Variants in PCDH9 observed in about 807,000 individuals in gnomAD.
PCDH9 encodes protocadherin-9.
PCDH9 carries 24 observed loss-of-function variants against 70.6 expected under a neutral mutation model. The observed-to-expected ratio is 0.34, with a 90% CI of 0.25 to 0.48. The LOEUF (loss-of-function observed/expected upper bound fraction) is 0.48, where lower values mean the gene tolerates loss of function less well. PCDH9 is among the 20% of genes least tolerant of loss of function. The probability of loss-of-function intolerance (pLI) is 0.99; values close to 1 mark genes in which losing one functional copy is unlikely to be tolerated. For synonymous variants in PCDH9, 562 were observed against 558.5 expected, an observed-to-expected ratio of 1.01 and a Z score of -0.09; for missense variants, 1,281 against 1,503.6, an observed-to-expected ratio of 0.85 and a Z score of 2.45.
At chr13:66,748,061 C>T (rs4884696) in intron 3 of PCDH9, among the ~76,000 whole-genome samples, 135,703 of 152,164 alleles carry the variant, frequency 0.89, 62,561 homozygotes, top group Non-Finnish European at 1. Context: ...GGTTCAGTAA[C>T]ACTGAACATG....
intron 2 of PCDH9, among the ~76,000 whole-genome samples, chr13:67,115,948 A>C (rs1206866832): frequency 6.6e-6 from 1 of 152,218 alleles, no homozygotes; most frequent in African/African-American, 2.4e-5. Context: ...ATTAGGACTA[A>C]AGGCACTAGT....
chr13:67,130,123 C>T (rs951255427), intron 2 of PCDH9, among the ~76,000 whole-genome samples: 21 of 151,930 alleles, frequency 1.4e-4, no homozygotes, highest in Admixed American at 1.1e-3. Context: ...ATATTAAAAC[C>T]TTGGTGCCTA....
intron 4 of PCDH9, among the ~76,000 whole-genome samples, chr13:66,480,152 C>T (rs1453941981): frequency 6.6e-6 from 1 of 152,172 alleles, no homozygotes; most frequent in Non-Finnish European, 1.5e-5. Flanking sequence ...TTGATTCCAA[C>T]TCTCACAGAT....
chr13:66,718,389 T>C (rs1460874635), intron 3 of PCDH9, among the ~76,000 whole-genome samples: 2 of 152,116 alleles, frequency 1.3e-5, no homozygotes, highest in Non-Finnish European at 2.9e-5. Flanking sequence ...AATTTAAAAA[T>C]ACTCATAGAA....
At chr13:66,377,026 C>A (rs890270380) in intron 4 of PCDH9, among the ~76,000 whole-genome samples, 2 of 152,038 alleles carry the variant, frequency 1.3e-5, no homozygotes, top group Non-Finnish European at 2.9e-5. Context: ...CCGGCTTAAC[C>A]AAGATGCCCT....
chr13:66,515,653 A>G (rs1959696864), intron 4 of PCDH9, among the ~76,000 whole-genome samples: 1 of 151,944 alleles, frequency 6.6e-6, no homozygotes, highest in Non-Finnish European at 1.5e-5. Flanking sequence ...TAGATATTTC[A>G]TTTTTCTCCA....
At chr13:66,407,065 T>C (rs1441717527) in intron 4 of PCDH9, among the ~76,000 whole-genome samples, 4 of 152,178 alleles carry the variant, frequency 2.6e-5, no homozygotes, top group African/African-American at 9.7e-5. Context: ...AGATCTCACT[T>C]ATAGTCTAAA....
intron 3 of PCDH9, among the ~76,000 whole-genome samples, chr13:66,819,049 C>A (rs557303416): frequency 6.6e-6 from 1 of 152,082 alleles, no homozygotes; most frequent in Admixed American, 6.5e-5. Flanking sequence ...TGCATGATGA[C>A]AACAAAATAA....
chr13:66,657,487 C>T (rs1440099204), intron 3 of PCDH9, among the ~76,000 whole-genome samples: 2 of 152,156 alleles, frequency 1.3e-5, no homozygotes, highest in African/African-American at 4.8e-5. Flanking sequence ...GCCTGGATTA[C>T]GTCACAAGCA....
chr13:67,063,786 G>A (rs568055981), intron 2 of PCDH9, among the ~76,000 whole-genome samples: 76 of 152,244 alleles, frequency 5.0e-4, no homozygotes, highest in African/African-American at 1.7e-3. Context: ...AAAGGAATGA[G>A]CAGCCATAAC....
At chr13:67,086,018 T>C (rs978350409) in intron 2 of PCDH9, among the ~76,000 whole-genome samples, 5 of 152,144 alleles carry the variant, frequency 3.3e-5, no homozygotes, top group Non-Finnish European at 7.4e-5. Flanking sequence ...TAATCATGTT[T>C]ATAACTAAGG....
chr13:66,661,864 ATAT>A (rs1320694878), intron 3 of PCDH9, among the ~76,000 whole-genome samples: 1 of 152,182 alleles, frequency 6.6e-6, no homozygotes, highest in East Asian at 1.9e-4. Context: ...TGGAGTTATA[ATAT>A]CATAGCCTTT....
chr13:66,808,478 T>A (rs993045137), intron 3 of PCDH9, among the ~76,000 whole-genome samples: 8 of 151,928 alleles, frequency 5.3e-5, no homozygotes, highest in Non-Finnish European at 1.2e-4. Context: ...ATAGGGCAAC[T>A]TGTTCCCAAA....
chr13:66,566,981 G>T (rs1345168142), intron 4 of PCDH9, among the ~76,000 whole-genome samples: 1 of 152,034 alleles, frequency 6.6e-6, no homozygotes, highest in African/African-American at 2.4e-5. Flanking sequence ...CTAGGATCAT[G>T]TGGAAATATA....
chr13:66,609,769 A>G (rs1430547074), intron 4 of PCDH9, among the ~76,000 whole-genome samples: 1 of 152,088 alleles, frequency 6.6e-6, no homozygotes, highest in South Asian at 2.1e-4. Context: ...CTGAACAGTC[A>G]AACATTCATA....
intron 4 of PCDH9, among the ~76,000 whole-genome samples, chr13:66,385,996 T>TAAA (rs60534095): frequency 7.7e-6 from 1 of 129,150 alleles, no homozygotes; most frequent in Admixed American, 7.9e-5. Flanking sequence ...ACGTATCTGA[T>TAAA]AAAAAAAAAA....
At chr13:66,474,652 C>G (rs1266176341) in intron 4 of PCDH9, among the ~76,000 whole-genome samples, 1 of 151,962 alleles carries the variant, frequency 6.6e-6, no homozygotes, top group Non-Finnish European at 1.5e-5. Context: ...CATACAGACA[C>G]AGTTTAATAG....
At position 66,587,679 on chromosome 13, in the gene PCDH9, G is replaced by C. The variant is rs1221418181; in HGVS notation, c.3340+43531C>G. 2.6e-5 allele frequency among the ~76,000 whole-genome samples: 4 copies of C among 152,000 alleles called. No homozygotes were observed. The East Asian group carries it at 7.7e-4, about 29-fold the overall frequency. On this transcript the variant is annotated intron_variant, in intron 4 of 4. Transcript: ENST00000377865. The stretch of plus-strand genomic sequence containing the variant: ...AATACAGTACTCTGTGTGTATGTGG[G>C]GTTCAGGTTTCTAAGATCGTCAGAG...
At chr13:66,574,230 T>G (rs7335074) in intron 4 of PCDH9, among the ~76,000 whole-genome samples, 71,434 of 151,922 alleles carry the variant, frequency 0.47, 17,192 homozygotes, top group African/African-American at 0.55. Flanking sequence ...CAACTATGTT[T>G]GTTCTCTGGT....
Sources: gnomAD v4.1 joint callset for allele counts (sites outside exome capture counted in the v4.1 genomes callset) on GRCh38, gnomAD v4.1.1 for gene constraint, MANE v1.5 for transcripts, NCBI Gene and HGNC (gene_info 2026-07-23, HGNC 2026-07-21) for gene names.